SOS2: variants seen among roughly 807,000 people sequenced by gnomAD.
The protein encoded by SOS2 is son of sevenless homolog 2.
SOS2 carries 65 observed loss-of-function variants against 148.2 expected under a neutral mutation model. The observed-to-expected ratio is 0.44, with a 90% confidence interval of 0.36 to 0.54. The LOEUF (loss-of-function observed/expected upper bound fraction) is 0.54, where lower values mean the gene tolerates loss of function less well. Among genes scored for constraint, SOS2 ranks in the 20% least tolerant of loss-of-function variants. SOS2 has a pLI of 0.00. For synonymous variants in SOS2, 539 were observed against 537.1 expected (o/e 1.00, Z -0.05); for missense variants, 1,341 against 1,590.2 (o/e 0.84, Z 2.67).
chr14:50,148,346 G>C (rs960041456), intron 14 of SOS2, among the ~76,000 whole-genome samples: 2 of 149,150 alleles, frequency 1.3e-5, no homozygotes, highest in Non-Finnish European at 2.9e-5. Context: ...GGAGGCACAG[G>C]TTGCAGTGAG....
At chr14:50,197,995 C>T (rs1286220668) in intron 4 of SOS2, among the ~76,000 whole-genome samples, 6 of 139,866 alleles carry the variant, frequency 4.3e-5, no homozygotes, top group African/African-American at 1.3e-4. Context: ...GCCTGCTTTG[C>T]CATCTTTTTT....
chr14:50,124,784 T>A (rs1883632395), intron 21 of SOS2, among the ~76,000 whole-genome samples: 1 of 152,242 alleles, frequency 6.6e-6, no homozygotes, highest in Admixed American at 6.5e-5. Flanking sequence ...ATGTTCATTG[T>A]GAATGGAGTC....
At chr14:50,122,910 A>G (rs1175463956) in intron 21 of SOS2, among the ~76,000 whole-genome samples, 4 of 152,228 alleles carry the variant, frequency 2.6e-5, no homozygotes, top group African/African-American at 9.6e-5. Flanking sequence ...GTTATTGGGC[A>G]CCTGCTAATA....
intron 4 of SOS2, among the ~76,000 whole-genome samples, chr14:50,194,899 T>C (rs1281689542): frequency 6.6e-6 from 1 of 151,952 alleles, no homozygotes; most frequent in Admixed American, 6.6e-5. Context: ...CAAAGGCACC[T>C]GGCCTTTTCA....
At chr14:50,133,357 C>T (rs1383017401) in intron 19 of SOS2, among the ~76,000 whole-genome samples, 1 of 147,284 alleles carries the variant, frequency 6.8e-6, no homozygotes, top group Non-Finnish European at 1.5e-5. Flanking sequence ...ACCACCATGC[C>T]TGGCTAATTT....
chr14:50,194,751 C>T (rs1886263105), intron 4 of SOS2, among the ~76,000 whole-genome samples: 1 of 150,194 alleles, frequency 6.7e-6, no homozygotes, highest in African/African-American at 2.4e-5. Flanking sequence ...GCGCTCCATA[C>T]TGGGTGACAG....
At chr14:50,198,219 G>A (rs547606374) in intron 4 of SOS2, among the ~76,000 whole-genome samples, 1 of 152,156 alleles carries the variant, frequency 6.6e-6, no homozygotes, top group Admixed American at 6.5e-5. Context: ...CAGTCATACT[G>A]TGGTAATGTA....
In SOS2 at chr14:50,117,867, T is replaced by C. The variant is rs1315076897; in HGVS notation, c.*477A>G. 6.5e-6 allele frequency: 1 copy of C among 153,256 alleles called. No homozygotes were observed. Among genetic ancestry groups the C allele is most frequent in the Non-Finnish European group, 1.5e-5 (1 of 68,820 alleles). 9.5% of individuals were successfully genotyped at this position (153,256 alleles called of 1,614,324 possible). ...TAAAGAGTTTAAGAACAGTTGGTGT[T>C]ATTCACAATTCTCCTAGATGTAAAA... On this transcript the variant is annotated 3_prime_UTR_variant, in exon 23 of 23. Transcript: ENST00000216373.
At chr14:50,202,876 G>C (rs1886539049) in intron 2 of SOS2, among the ~76,000 whole-genome samples, 1 of 152,102 alleles carries the variant, frequency 6.6e-6, no homozygotes, top group Admixed American at 6.5e-5. Context: ...AGTTGTTGTA[G>C]CTGGGCATGG....
chr14:50,118,595 T>C lies in SOS2; in HGVS notation c.3748A>G (p.Arg1250Gly), dbSNP rs1027873133. The C allele has an allele frequency of 1.9e-6, 3 of 1,614,060 alleles. No homozygotes were observed. The highest frequency in any genetic ancestry group is 2.7e-5 in the African/African-American group (2 of 74,926). ...GHLHRDSDWL[R>G]DISTCPNSPS... ...GAATTTGGACACGTACTAATGTCTCTGAGCCAGTCTGAATCTCTGTGAAGA... is the reference window on the plus strand; with the variant it reads ...GAATTTGGACACGTACTAATGTCTCCGAGCCAGTCTGAATCTCTGTGAAGA... Residue 1250 changes from arginine (R) to glycine (G), a missense_variant, in exon 23 of 23, where the codon AGA becomes GGA. Transcript: ENST00000216373.
chr14:50,168,368 T>A (rs1885234407), intron 8 of SOS2, among the ~76,000 whole-genome samples: 1 of 152,162 alleles, frequency 6.6e-6, no homozygotes, highest in South Asian at 2.1e-4. Context: ...ACTACTGGCA[T>A]GCATTACCAC....
intron 4 of SOS2, among the ~76,000 whole-genome samples, chr14:50,191,086 T>C (rs1261279238): frequency 6.6e-6 from 1 of 152,176 alleles, no homozygotes; most frequent in African/African-American, 2.4e-5. Context: ...TGATCTAGTG[T>C]CAAATCTAAT....
chr14:50,171,072 C>G (rs906778212), intron 8 of SOS2, among the ~76,000 whole-genome samples: 9 of 151,090 alleles, frequency 6.0e-5, no homozygotes, highest in Non-Finnish European at 1.0e-4. Context: ...CAAGATCGTG[C>G]CATTGCACTC....
At chr14:50,182,243 C>G (rs1156410345) in intron 6 of SOS2, among the ~76,000 whole-genome samples, 1 of 151,738 alleles carries the variant, frequency 6.6e-6, no homozygotes, top group Non-Finnish European at 1.5e-5. Flanking sequence ...CTCTGTCGCC[C>G]AGGATGGAGT....
chr14:50,162,754 T>A (rs1418709114), intron 8 of SOS2, among the ~76,000 whole-genome samples: 1 of 152,198 alleles, frequency 6.6e-6, no homozygotes, highest in East Asian at 1.9e-4. Flanking sequence ...TTAGAAGATT[T>A]AGAAACTGAC....
In SOS2 at chr14:50,204,382, A is replaced by T. The variant is rs2139796314; in HGVS notation, c.115T>A (p.Ser39Thr). Residue 39 changes from serine to threonine, a missense_variant, in exon 2 of 23, where the codon TCA (serine) becomes ACA (threonine). Ser to Thr is a moderately conservative substitution (Grantham distance 58, BLOSUM62 1). Around this residue, in one of 4 missense-constraint regions of SOS2, gnomAD observed 574 missense variants for 711.1 expected, o/e 0.81. Transcript: ENST00000216373. ...KVQEQVHPTL[S>T]ANEESLYYIE... is the part of the protein sequence containing the mutation. ...TAATAGAGAGACTCTTCATTAGCTG[A>T]GAGAGTGGGATGCACTTGTTCCTGA... The T allele has an allele frequency of 6.3e-7, 1 of 1,581,230 alleles. No individual in the cohort carries two copies. The highest frequency in any genetic ancestry group is 8.6e-7 in the Non-Finnish European group (1 of 1,156,332).
chr14:50,192,427 G>A (rs557519331), intron 4 of SOS2, among the ~76,000 whole-genome samples: 9 of 152,008 alleles, frequency 5.9e-5, no homozygotes, highest in Admixed American at 2.6e-4. Flanking sequence ...ATGGTAGCAC[G>A]CACCTGTAAT....
chr14:50,190,675 G>A (rs574594741), intron 4 of SOS2, among the ~76,000 whole-genome samples: 1 of 152,210 alleles, frequency 6.6e-6, no homozygotes, highest in South Asian at 2.1e-4. Context: ...ATTGCCTTCT[G>A]CATAAAATCC....
intron 8 of SOS2, among the ~76,000 whole-genome samples, chr14:50,162,392 C>A (rs1334883426): frequency 6.6e-6 from 1 of 152,124 alleles, no homozygotes; most frequent in African/African-American, 2.4e-5. Context: ...CTCTGCCTCC[C>A]AAAGTGTTGA....
Sources: gnomAD v4.1 joint callset for allele counts (sites outside exome capture counted in the v4.1 genomes callset) on GRCh38, gnomAD v4.1.1 for gene constraint, gnomAD v4.1.1 regional missense constraint, MANE v1.5 for transcripts, NCBI Gene and HGNC (gene_info 2026-07-23, HGNC 2026-07-21) for gene names.